The following PGLYRP4 variants were observed in gnomAD, a reference collection of about 807,000 sequenced individuals.
The protein encoded by PGLYRP4 is PGRP-I-beta.
PGLYRP4 carries 39 observed loss-of-function variants against 41.2 expected under a neutral mutation model. That is an observed-to-expected ratio of 0.95 (90% CI 0.73 to 1.24). The LOEUF (loss-of-function observed/expected upper bound fraction) is 1.24, where lower values mean the gene tolerates loss of function less well. Ranked by LOEUF, PGLYRP4 falls within the 50% of genes most tolerant of loss-of-function variation. PGLYRP4 has a pLI of 0.00. For synonymous variants in PGLYRP4, 202 were observed against 186.8 expected (o/e 1.08, Z -0.66); for missense variants, 467 against 460.7 (o/e 1.01, Z -0.13).
At chr1:153,335,435 A>G (rs899014379) in intron 8 of PGLYRP4, among the ~76,000 whole-genome samples, 1 of 152,242 alleles carries the variant, frequency 6.6e-6, no homozygotes, top group Non-Finnish European at 1.5e-5. Flanking sequence ...AAACCATGAA[A>G]AAATGCTCAA....
chr1:153,345,111 A>T, intron 4 of PGLYRP4, 58 bp downstream of exon 4: 1 of 1,303,942 alleles, frequency 7.7e-7, no homozygotes, highest in South Asian at 1.2e-5. Flanking sequence ...GGGACAGGAG[A>T]AGCATCCCAG....
intron 4 of PGLYRP4, chr1:153,344,900 T>C (rs1008706271): frequency 1.1e-4 from 43 of 399,598 alleles, no homozygotes; most frequent in Non-Finnish European, 1.9e-4. Context: ...CAATCTGTAG[T>C]GTGCTGTGCA....
rs942702365 is a variant in PGLYRP4 at position 153,343,184 on chromosome 1, C to A, written c.378G>T (p.Arg126Ser). 9.9e-6 allele frequency: 16 copies of A among 1,613,394 alleles called. No individual in the cohort carries two copies. Among genetic ancestry groups the A allele is most frequent in the Non-Finnish European group, 1.4e-5 (16 of 1,179,360 alleles). ...AYNFLVGDDG[R>S]VYEGVGWNIQ... is the part of the protein sequence containing the mutation. ...TATTCCAGCCAACACCTTCATACAC[C>A]CTGCCATCATCCCCAACCAGGAAGC... Residue 126 changes from arginine to serine, a missense_variant, in exon 5 of 9, where the codon AGG becomes AGT. By Grantham distance (110) the Arg-to-Ser change is moderately radical. Coordinates refer to ENST00000359650, the MANE Select transcript of PGLYRP4 (RefSeq NM_020393.4).
chr1:153,339,523 C>A (rs959095225), intron 7 of PGLYRP4, among the ~76,000 whole-genome samples: 1 of 152,170 alleles, frequency 6.6e-6, no homozygotes, highest in African/African-American at 2.4e-5. Flanking sequence ...GCCAAATGGT[C>A]TACCAGTAGC....
intron 4 of PGLYRP4, among the ~76,000 whole-genome samples, chr1:153,344,418 T>C (rs1349391567): frequency 6.6e-6 from 1 of 152,160 alleles, no homozygotes; most frequent in Admixed American, 6.5e-5. Context: ...GCTTTAGAAC[T>C]GCCTCTCATA....
chr1:153,348,356 T>G (rs3006460), intron 1 of PGLYRP4, among the ~76,000 whole-genome samples, 172 bp downstream of exon 1: 126,299 of 152,144 alleles, frequency 0.83, 52,605 homozygotes, highest in East Asian at 0.88. Flanking sequence ...GGATGGGTCT[T>G]ATGCAGAGAA....
intron 6 of PGLYRP4, among the ~76,000 whole-genome samples, chr1:153,341,096 T>C (rs936662456): frequency 2.0e-5 from 3 of 152,212 alleles, no homozygotes; most frequent in African/African-American, 4.8e-5. Flanking sequence ...ATTCGTGTTG[T>C]TTTGGTTTTT....
intron 5 of PGLYRP4, among the ~76,000 whole-genome samples, chr1:153,342,863 G>T (rs1013463379): frequency 6.6e-6 from 1 of 152,216 alleles, no homozygotes; most frequent in Non-Finnish European, 1.5e-5. Context: ...AGAAAGAGGA[G>T]CCTGTTTACA....
chr1:153,340,610 C>G (rs1312725322), intron 6 of PGLYRP4, 31 bp from the exon 7 acceptor site: 15 of 1,600,122 alleles, frequency 9.4e-6, no homozygotes, highest in Non-Finnish European at 1.3e-5. Flanking sequence ...ACAGAGGGTT[C>G]ATCTTCCCCA....
In PGLYRP4 at chr1:153,342,938, A is replaced by G. The variant is rs1380795894; in HGVS notation, c.472+152T>C. The G allele has an allele frequency of 5.5e-6, 3 of 541,624 alleles. No individual in the cohort carries two copies. The Admixed American group carries it at 9.2e-5, about 17-fold the overall frequency. The allele number at this position is 541,624 out of a possible 1,614,324, so 33.6% of individuals were successfully genotyped here. On this transcript the variant is annotated intron_variant, in intron 5 of 8. Coordinates refer to ENST00000359650, the MANE Select transcript of PGLYRP4 (RefSeq NM_020393.4). Reference sequence around the variant, plus strand: ...TCACAAAGTCATTTCCTGGAAATCAAGGAAGAAGAAAATTCCAAGAGAGAG... The same window carrying G: ...TCACAAAGTCATTTCCTGGAAATCAGGGAAGAAGAAAATTCCAAGAGAGAG...
intron 2 of PGLYRP4, among the ~76,000 whole-genome samples, chr1:153,346,681 GGGTGTTGATTGA>G (rs1230599733): frequency 6.6e-6 from 1 of 152,228 alleles, no homozygotes; most frequent in Non-Finnish European, 1.5e-5. Flanking sequence ...GGGATGGGCA[GGGTGTTGATTGA>G]GACCCTTACC....
chr1:153,345,027 G>T (rs1660942798), intron 4 of PGLYRP4, 142 bp downstream of exon 4: 1 of 648,580 alleles, frequency 1.5e-6, no homozygotes, highest in Non-Finnish European at 2.6e-6. Flanking sequence ...GGAGTTTCAT[G>T]GGGGTTTTAA....
intron 7 of PGLYRP4, among the ~76,000 whole-genome samples, chr1:153,340,025 C>T (rs761935785): frequency 1.3e-5 from 2 of 152,172 alleles, no homozygotes; most frequent in Non-Finnish European, 2.9e-5. Flanking sequence ...GAGTAGGAGG[C>T]GGTGGTTACA....
At position 153,330,269 on chromosome 1, in the gene PGLYRP4, A is replaced by T. The variant is rs571956423; in HGVS notation, c.*498T>A. ...AGAAACTCACAACCAAGTAGCAAGG[A>T]TAGACATATCTATAAATAATGACAG... On this transcript the variant is annotated 3_prime_UTR_variant, in exon 9 of 9. Transcript: ENST00000359650. The T allele has an allele frequency of 3.3e-5, 5 of 153,552 alleles. No homozygotes were observed. The highest frequency in any genetic ancestry group is 1.2e-4 in the African/African-American group (5 of 41,586). 9.5% of individuals were successfully genotyped at this position (153,552 alleles called of 1,614,324 possible). A position where few individuals can be genotyped will look rare whatever the true frequency, so the allele number is the denominator to read the frequency against.
In PGLYRP4 at chr1:153,344,539, G is replaced by A. The variant is rs149747873; in HGVS notation, c.353+630C>T. ...GTCTGAAGCAGGAAAGCAGAGAGAT[G>A]TGTTGGGCACTTGAGGCAGGAAGCC... On this transcript the variant is annotated intron_variant, in intron 4 of 8. Transcript: ENST00000359650. 1.1e-3 allele frequency among the ~76,000 whole-genome samples: 167 copies of A among 152,344 alleles called. 1 individual carries two copies. The highest frequency in any genetic ancestry group is 3.4e-3 in the Middle Eastern group (1 of 294).
At chr1:153,348,042 G>T in intron 1 of PGLYRP4, 64 bp from the exon 2 acceptor site, 1 of 869,172 alleles carries the variant, frequency 1.2e-6, no homozygotes, top group African/African-American at 1.7e-5. Flanking sequence ...CCCAAACCCT[G>T]ACTGCAGTGG....
At chr1:153,343,391 A>G (rs1322672274) in intron 4 of PGLYRP4, among the ~76,000 whole-genome samples, 183 bp from the exon 5 acceptor site, 1 of 152,206 alleles carries the variant, frequency 6.6e-6, no homozygotes, top group Non-Finnish European at 1.5e-5. Context: ...AGAATTCAGA[A>G]GGACCCACTC....
intron 8 of PGLYRP4, 115 bp downstream of exon 8, chr1:153,337,066 A>G (rs1217680970): frequency 6.0e-6 from 5 of 832,558 alleles, no homozygotes; most frequent in Non-Finnish European, 1.0e-5. Context: ...AAGCTGGGTC[A>G]ATCAAGCATA....
At chr1:153,332,449 A>G (rs1317066023) in intron 8 of PGLYRP4, among the ~76,000 whole-genome samples, 2 of 152,156 alleles carry the variant, frequency 1.3e-5, no homozygotes, top group African/African-American at 4.8e-5. Context: ...TCAACACCCC[A>G]CTGACAGCAC....
Sources: allele counts gnomAD v4.1 joint callset (sites outside exome capture counted in the v4.1 genomes callset), GRCh38; gene constraint gnomAD v4.1.1; transcripts MANE v1.5; gene names NCBI Gene and HGNC (gene_info 2026-07-23, HGNC 2026-07-21).